The following DOCK2 variants were observed in gnomAD, a reference collection of about 807,000 sequenced individuals.
The protein encoded by DOCK2 is dedicator of cytokinesis protein 2.
Under a neutral mutation model 248.9 loss-of-function variants are expected in DOCK2, and 87 were observed. That is an observed-to-expected ratio of 0.35 (90% CI 0.29 to 0.42). The LOEUF is 0.42. Among genes scored for constraint, DOCK2 ranks in the 10% least tolerant of loss-of-function variants. The pLI is 1.00. For missense variants in DOCK2, 1,747 were observed against 2,300.2 expected (o/e 0.76, Z 4.92); for synonymous variants, 805 against 821.6 (o/e 0.98, Z 0.35).
At chr5:169,773,831 C>G (rs2113778383) in intron 25 of DOCK2, among the ~76,000 whole-genome samples, 1 of 152,216 alleles carries the variant, frequency 6.6e-6, no homozygotes, top group South Asian at 2.1e-4. Flanking sequence ...TTCCCTTATA[C>G]TGTTCTCATG....
chr5:169,952,770 G>A (rs562039212), intron 27 of DOCK2, among the ~76,000 whole-genome samples: 9 of 152,252 alleles, frequency 5.9e-5, no homozygotes, highest in South Asian at 4.2e-4. Flanking sequence ...GTTTGATGCC[G>A]TTTCAATCCA....
At chr5:169,707,543 G>A (rs938559024) in intron 14 of DOCK2, among the ~76,000 whole-genome samples, 4 of 152,152 alleles carry the variant, frequency 2.6e-5, no homozygotes, top group East Asian at 3.8e-4. Context: ...GTGAGCTCAC[G>A]TCAGGTTCAA....
intron 27 of DOCK2, among the ~76,000 whole-genome samples, chr5:169,932,658 C>T (rs1388084398): frequency 6.6e-6 from 1 of 152,008 alleles, no homozygotes; most frequent in Non-Finnish European, 1.5e-5. Context: ...CTTATAAACA[C>T]ATGTAAGGAG....
At chr5:170,043,902 G>A (rs1343198418) in intron 38 of DOCK2, among the ~76,000 whole-genome samples, 1 of 152,224 alleles carries the variant, frequency 6.6e-6, no homozygotes, top group African/African-American at 2.4e-5. Context: ...TGTCTAGTGA[G>A]CAAAACAGAC....
chr5:169,957,750 CCTGGT>C (rs1417784120), intron 27 of DOCK2, among the ~76,000 whole-genome samples: 1 of 152,194 alleles, frequency 6.6e-6, no homozygotes, highest in Non-Finnish European at 1.5e-5. Flanking sequence ...GTCTCAGGTT[CCTGGT>C]CTGTTCATGA....
At chr5:169,884,072 G>A (rs531380735) in intron 27 of DOCK2, 52 of 495,644 alleles carry the variant, frequency 1.0e-4, no homozygotes, top group African/African-American at 8.8e-4. Flanking sequence ...AGCCTCTAGA[G>A]TCTACGTAGG....
intron 26 of DOCK2, among the ~76,000 whole-genome samples, chr5:169,812,077 G>A (rs895547000): frequency 6.6e-6 from 1 of 152,184 alleles, no homozygotes; most frequent in Non-Finnish European, 1.5e-5. Context: ...CCCAGAATGG[G>A]TCCTCAACCC....
chr5:170,077,475 T>C (rs1286830598), intron 47 of DOCK2, among the ~76,000 whole-genome samples: 2 of 152,188 alleles, frequency 1.3e-5, no homozygotes, highest in East Asian at 3.8e-4. Flanking sequence ...GATACTACTA[T>C]CACATAGGAA....
chr5:169,896,512 C>A (rs1773618160), intron 27 of DOCK2, among the ~76,000 whole-genome samples: 1 of 152,154 alleles, frequency 6.6e-6, no homozygotes, highest in Admixed American at 6.5e-5. Context: ...GAAGATGTAG[C>A]TAATAATATT....
At chr5:169,931,172 T>C (rs1434057364) in intron 27 of DOCK2, among the ~76,000 whole-genome samples, 1 of 152,230 alleles carries the variant, frequency 6.6e-6, no homozygotes, top group Non-Finnish European at 1.5e-5. Flanking sequence ...TTTTGAGTCA[T>C]GAAAGTTACC....
chr5:169,819,738 G>A (rs1000096640), intron 26 of DOCK2, among the ~76,000 whole-genome samples: 12 of 152,190 alleles, frequency 7.9e-5, no homozygotes, highest in Non-Finnish European at 1.3e-4. Context: ...CTGAGGTACC[G>A]GGTTCATCTC....
chr5:169,926,696 T>A (rs1385141162), intron 27 of DOCK2, among the ~76,000 whole-genome samples: 1 of 152,162 alleles, frequency 6.6e-6, no homozygotes, highest in African/African-American at 2.4e-5. Context: ...AAAGATTATT[T>A]AAAGAAAAAC....
intron 27 of DOCK2, among the ~76,000 whole-genome samples, chr5:169,896,296 C>A (rs1351771374): frequency 6.6e-6 from 1 of 152,130 alleles, no homozygotes; most frequent in Non-Finnish European, 1.5e-5. Flanking sequence ...ACCGGGACCC[C>A]TTAAATCCCA....
At chr5:169,653,392 G>T (rs1480898220) in intron 1 of DOCK2, among the ~76,000 whole-genome samples, 1 of 152,238 alleles carries the variant, frequency 6.6e-6, no homozygotes, top group Non-Finnish European at 1.5e-5. Context: ...AACGGATTCA[G>T]AGGGAAAGTG....
intron 29 of DOCK2, among the ~76,000 whole-genome samples, chr5:169,988,364 A>G (rs1778123375): frequency 6.6e-6 from 1 of 152,214 alleles, no homozygotes; most frequent in Non-Finnish European, 1.5e-5. Context: ...AATGTAGAAC[A>G]ACTATAATCC....
At chr5:169,878,913 T>C (rs1184549110) in intron 27 of DOCK2, among the ~76,000 whole-genome samples, 1 of 152,180 alleles carries the variant, frequency 6.6e-6, no homozygotes, top group African/African-American at 2.4e-5. Flanking sequence ...CTGAGAGCCA[T>C]GGATAGAATC....
intron 25 of DOCK2, among the ~76,000 whole-genome samples, chr5:169,777,803 A>T (rs1253539660): frequency 6.6e-6 from 1 of 152,212 alleles, no homozygotes; most frequent in Non-Finnish European, 1.5e-5. Context: ...GCCAAGTTTC[A>T]TCATTAATAA....
intron 27 of DOCK2, among the ~76,000 whole-genome samples, chr5:169,925,578 T>C (rs1394394203): frequency 3.1e-5 from 1 of 32,324 alleles, no homozygotes; most frequent in African/African-American, 1.3e-4. Flanking sequence ...AGACTCTGTC[T>C]TAAAAAAAAA....
chr5:169,831,814 C>A (rs538669714), intron 26 of DOCK2, among the ~76,000 whole-genome samples: 1 of 152,212 alleles, frequency 6.6e-6, no homozygotes, highest in African/African-American at 2.4e-5. Context: ...CCAATGCATC[C>A]AAAATACAGA....
Sources: gnomAD v4.1 joint callset for allele counts (sites outside exome capture counted in the v4.1 genomes callset) on GRCh38, gnomAD v4.1.1 for gene constraint, MANE v1.5 for transcripts, NCBI Gene and HGNC (gene_info 2026-07-23, HGNC 2026-07-21) for gene names.